KCTD16: variants seen among roughly 807,000 people sequenced by gnomAD.
KCTD16 encodes BTB/POZ domain-containing protein KCTD16.
In KCTD16, 13 loss-of-function variants were observed where a neutral mutation model predicts 33.2. The ratio of observed to expected loss-of-function variants is 0.39; its 90% CI spans 0.25 to 0.62. KCTD16 has a LOEUF of 0.62. Ranked by LOEUF, KCTD16 falls within the 20% of genes least tolerant of loss-of-function variation. The probability of loss-of-function intolerance (pLI) is 0.50; values close to 1 mark genes in which losing one functional copy is unlikely to be tolerated. For synonymous variants in KCTD16, 197 were observed against 195.3 expected, an observed-to-expected ratio of 1.01 and a Z score of -0.07; for missense variants, 441 against 525.1, an observed-to-expected ratio of 0.84 and a Z score of 1.57.
rs1754606161 is a variant in KCTD16 at position 144,476,878 on chromosome 5, C to G, written c.*2764C>G. On this transcript the variant is annotated 3_prime_UTR_variant, in exon 4 of 4. Transcript: ENST00000512467. The stretch of plus-strand genomic sequence containing the variant: ...AGTTTTTAGAACTTTTTGTTTAATT[C>G]TGAAGAAAACAATATATATGGTTTA... 1 of 152,054 alleles carries G rather than the reference C, an allele frequency of 6.6e-6. No individual in the cohort carries two copies. The highest frequency in any genetic ancestry group is 2.1e-4 in the South Asian group (1 of 4,814). 9.4% of individuals were successfully genotyped at this position (152,054 alleles called of 1,614,324 possible).
intron 3 of KCTD16, among the ~76,000 whole-genome samples, chr5:144,280,643 G>A (rs1011635596): frequency 6.6e-6 from 1 of 152,118 alleles, no homozygotes; most frequent in Non-Finnish European, 1.5e-5. Flanking sequence ...CATGTTTTCC[G>A]GCTGGGCGCA....
intron 3 of KCTD16, among the ~76,000 whole-genome samples, chr5:144,268,793 TA>T (rs1355559347): frequency 6.6e-6 from 1 of 152,118 alleles, no homozygotes; most frequent in African/African-American, 2.4e-5. Flanking sequence ...ACAAGGACAT[TA>T]AAACTACTTT....
intron 3 of KCTD16, among the ~76,000 whole-genome samples, chr5:144,434,728 A>G (rs1206381761): frequency 6.6e-6 from 1 of 152,202 alleles, no homozygotes. Flanking sequence ...TATCTAAAAT[A>G]TGTCATAATA....
chr5:144,439,890 A>G (rs1035707648), intron 3 of KCTD16, among the ~76,000 whole-genome samples: 2 of 152,130 alleles, frequency 1.3e-5, no homozygotes, highest in South Asian at 4.1e-4. Context: ...AACTTTCCAT[A>G]TTATTCAAGA....
rs147303746 is a variant in KCTD16 at position 144,245,821 on chromosome 5, G to A, written c.832+38275G>A. ...TCCCCCTTCACCTTCTGCCATGACT[G>A]TAAATTCCCTGAGGCCTCCCCAGAA... On this transcript the variant is annotated intron_variant, in intron 3 of 3. Coordinates refer to ENST00000512467, the MANE Select transcript of KCTD16 (RefSeq NM_020768.4). Among the ~76,000 whole-genome samples the A allele has an allele frequency of 1.9e-4, 29 of 152,254 alleles. No homozygotes were observed. The East Asian group carries it at 4.6e-3, about 24-fold the overall frequency.
intron 2 of KCTD16, among the ~76,000 whole-genome samples, chr5:144,177,680 G>A (rs919292480): frequency 2.0e-5 from 3 of 152,014 alleles, no homozygotes; most frequent in East Asian, 1.9e-4. Flanking sequence ...TTAAGAGCAC[G>A]AGTCATGTTG....
At chr5:144,444,529 CAAT>C (rs1454880999) in intron 3 of KCTD16, among the ~76,000 whole-genome samples, 1 of 151,888 alleles carries the variant, frequency 6.6e-6, no homozygotes, top group Non-Finnish European at 1.5e-5. Flanking sequence ...AGTCATGCCT[CAAT>C]AATGTTTTTT....
At chr5:144,219,080 C>A (rs973773695) in intron 3 of KCTD16, among the ~76,000 whole-genome samples, 1 of 152,176 alleles carries the variant, frequency 6.6e-6, no homozygotes, top group Admixed American at 6.5e-5. Context: ...CAGATCACCT[C>A]CCTCCACATA....
chr5:144,467,376 C>T (rs539228091), intron 3 of KCTD16, among the ~76,000 whole-genome samples: 1 of 152,164 alleles, frequency 6.6e-6, no homozygotes, highest in East Asian at 1.9e-4. Context: ...CAGGCTTCCT[C>T]CCCCATTCAT....
chr5:144,441,671 T>C (rs1013996000), intron 3 of KCTD16, among the ~76,000 whole-genome samples: 8 of 152,100 alleles, frequency 5.3e-5, no homozygotes, highest in Non-Finnish European at 1.0e-4. Context: ...TCGTATTGTA[T>C]TTATTTATAT....
chr5:144,302,286 G>T (rs548238095), intron 3 of KCTD16, among the ~76,000 whole-genome samples: 265 of 152,114 alleles, frequency 1.7e-3, no homozygotes, highest in Admixed American at 3.3e-3. Context: ...AGGTGTCAGG[G>T]AGAAGAAAAA....
intron 3 of KCTD16, among the ~76,000 whole-genome samples, chr5:144,373,283 T>A (rs1752010302): frequency 6.6e-6 from 1 of 152,104 alleles, no homozygotes; most frequent in Non-Finnish European, 1.5e-5. Context: ...ATTTTGATAG[T>A]GATATGATGC....
At chr5:144,313,929 A>G (rs1035239745) in intron 3 of KCTD16, among the ~76,000 whole-genome samples, 1 of 152,212 alleles carries the variant, frequency 6.6e-6, no homozygotes, top group African/African-American at 2.4e-5. Flanking sequence ...AGTATATATT[A>G]TCATTGATGA....
At chr5:144,396,433 T>A (rs1460532742) in intron 3 of KCTD16, among the ~76,000 whole-genome samples, 2 of 152,174 alleles carry the variant, frequency 1.3e-5, no homozygotes, top group Non-Finnish European at 2.9e-5. Context: ...AGCTCAGGAT[T>A]TACATTCAAG....
chr5:144,292,247 T>C (rs1433399851), intron 3 of KCTD16, among the ~76,000 whole-genome samples: 1 of 152,354 alleles, frequency 6.6e-6, no homozygotes, highest in East Asian at 1.9e-4. Flanking sequence ...AGTGGTATTT[T>C]GGGACATGGT....
chr5:144,243,181 A>G (rs1447448184), intron 3 of KCTD16, among the ~76,000 whole-genome samples: 1 of 152,188 alleles, frequency 6.6e-6, no homozygotes, highest in African/African-American at 2.4e-5. Context: ...CACATTATTA[A>G]TGTGACTTAT....
chr5:144,215,569 A>G (rs1482883163), intron 3 of KCTD16, among the ~76,000 whole-genome samples: 3 of 152,220 alleles, frequency 2.0e-5, no homozygotes, highest in Non-Finnish European at 4.4e-5. Context: ...CAGATACATG[A>G]TCATTAGCAA....
chr5:144,463,690 G>C (rs1269768443), intron 3 of KCTD16, among the ~76,000 whole-genome samples: 3 of 152,052 alleles, frequency 2.0e-5, no homozygotes, highest in African/African-American at 7.2e-5. Context: ...TTAAAGATTT[G>C]GGTTAGTTGC....
chr5:144,384,528 C>T (rs559998560), intron 3 of KCTD16, among the ~76,000 whole-genome samples: 6 of 152,044 alleles, frequency 3.9e-5, no homozygotes, highest in East Asian at 3.9e-4. Context: ...TTCATTATAG[C>T]GAAATAAAAT....
Sources: gnomAD v4.1 joint callset for allele counts (sites outside exome capture counted in the v4.1 genomes callset) on GRCh38, gnomAD v4.1.1 for gene constraint, MANE v1.5 for transcripts, NCBI Gene and HGNC (gene_info 2026-07-23, HGNC 2026-07-21) for gene names.